RTL1: variants seen among roughly 807,000 people sequenced by gnomAD.
The protein encoded by RTL1 is retrotransposon Gag like 1.
For missense variants in RTL1, 1,681 were observed against 1,767.5 expected, an observed-to-expected ratio of 0.95 and a Z score of 0.88; for synonymous variants, 727 against 748.4, an observed-to-expected ratio of 0.97 and a Z score of 0.47.
rs781748333 is a variant in RTL1 at position 100,883,665 on chromosome 14, C to T, written c.1124G>A (p.Arg375His). The T allele has an allele frequency of 2.6e-6, 4 of 1,551,438 alleles. No homozygotes were observed. The highest frequency in any genetic ancestry group is 2.6e-6 in the Non-Finnish European group (3 of 1,146,980). The change falls in exon 4 of 4, where the codon CGC becomes CAC. Residue 375 changes from arginine to histidine, a missense_variant. By Grantham distance (29) the Arg-to-His change is conservative (BLOSUM62 0). Coordinates refer to ENST00000649591, the MANE Select transcript of RTL1 (RefSeq NM_001134888.3). The surrounding 1 kb of genome is among the most constrained non-coding windows in gnomAD (Gnocchi z 5.9). ...RAMLRLPPEA[R>H]PRNLTWIDSP... ...GTCGATCCAGGTCAGGTTCCGGGGGCGGGCCTCGGGGGGCAGCCTGAGCAT... is the reference window on the plus strand; with the variant it reads ...GTCGATCCAGGTCAGGTTCCGGGGGTGGGCCTCGGGGGGCAGCCTGAGCAT...
In RTL1 at chr14:100,883,031, A is replaced by G. The variant is rs755851012; in HGVS notation, c.1758T>C (p.Asp586=). The G allele has an allele frequency of 3.7e-6, 6 of 1,614,018 alleles. No homozygotes were observed. The African/African-American group carries it at 5.3e-5, about 14-fold the overall frequency. Residue 586 remains aspartate, a synonymous_variant, in exon 4 of 4, where the codon GAT becomes GAC. Coordinates refer to ENST00000649591, the MANE Select transcript of RTL1 (RefSeq NM_001134888.3). The surrounding 1 kb of genome is among the most constrained non-coding windows in gnomAD (Gnocchi z 5.9). The part of the protein sequence containing the change: ...SDQPSSDGSD[D]LSESEPSELQ... ...GCTCAGAGGGCTCTGATTCAGAAAG[A>G]TCATCGGATCCGTCTGAGCTTGGCT...
In RTL1 at chr14:100,883,682, C is replaced by T. The variant is rs2140037004; in HGVS notation, c.1107G>A (p.Arg369=). The T allele has an allele frequency of 6.4e-7, 1 of 1,551,608 alleles. No individual in the cohort carries two copies. Among genetic ancestry groups the T allele is most frequent in the East Asian group, 2.4e-5 (1 of 40,912 alleles). ...EKLAERRAML[R]LPPEARPRNL... is the part of the protein sequence containing the mutation. ...TCCGGGGGCGGGCCTCGGGGGGCAG[C>T]CTGAGCATAGCTCTTCTCTCTGCCA... The change falls in exon 4 of 4, where the codon AGG becomes AGA. Residue 369 remains arginine (R), a synonymous_variant. Transcript: ENST00000649591. This position sits in a 1 kb window ranked among gnomAD's most constrained non-coding sequence, Gnocchi z 5.9.
chr14:100,896,937 G>C (rs115418475), intron 2 of RTL1, among the ~76,000 whole-genome samples: 11 of 152,030 alleles, frequency 7.2e-5, no homozygotes, highest in Admixed American at 7.2e-4. Context: ...CATTCCACTC[G>C]GCTAATCTCC....
chr14:100,901,072 C>A (rs1409521296), intron 2 of RTL1, among the ~76,000 whole-genome samples: 1 of 152,226 alleles, frequency 6.6e-6, no homozygotes, highest in Non-Finnish European at 1.5e-5. Context: ...TGCCCCCCCA[C>A]GGCGGGTCGG....
intron 2 of RTL1, among the ~76,000 whole-genome samples, chr14:100,897,207 C>T (rs2038869947): frequency 1.3e-5 from 2 of 152,166 alleles, no homozygotes; most frequent in Admixed American, 1.3e-4. Flanking sequence ...TTGCTCTGGG[C>T]ATGTACCCAC....
intron 3 of RTL1, among the ~76,000 whole-genome samples, chr14:100,890,188 G>A (rs1194949735): frequency 6.6e-6 from 1 of 150,642 alleles, no homozygotes; most frequent in Non-Finnish European, 1.5e-5. Flanking sequence ...AGAGACAGAC[G>A]CCCCAGCCTC....
rs2038972581 is a variant in RTL1, at chr14:100,903,642, C to A, written c.-282G>T. On this transcript the variant is annotated 5_prime_UTR_variant, in exon 1 of 4. Coordinates refer to ENST00000649591, the MANE Select transcript of RTL1 (RefSeq NM_001134888.3). ...GGTGTGAGGCTGGGCCAGGATGGAA[C>A]CCCAGACTCTCCGAGGCTCCCCACC... 6.6e-6 allele frequency among the ~76,000 whole-genome samples: 1 copy of A among 152,180 alleles called. No individual in the cohort carries two copies. The highest frequency in any genetic ancestry group is 2.1e-4 in the South Asian group (1 of 4,826).
chr14:100,887,226 C>A (rs1180366251), intron 3 of RTL1, among the ~76,000 whole-genome samples: 1 of 152,118 alleles, frequency 6.6e-6, no homozygotes, highest in African/African-American at 2.4e-5. Context: ...TAATTCCAAA[C>A]CTCTTCGCAT....
intron 3 of RTL1, among the ~76,000 whole-genome samples, chr14:100,890,896 TTTG>T (rs1422408904): frequency 6.6e-6 from 1 of 151,568 alleles, no homozygotes; most frequent in Non-Finnish European, 1.5e-5. Context: ...CCTGGGAGGG[TTTG>T]TTATTATTTA....
chr14:100,884,875 C>T lies in RTL1; in HGVS notation c.-86-1G>A, dbSNP rs907784865. On this transcript the variant is annotated splice_acceptor_variant, in intron 3 of 3. Coordinates refer to ENST00000649591, the MANE Select transcript of RTL1 (RefSeq NM_001134888.3). LOFTEE classifies it low-confidence loss of function (5UTR_SPLICE). The stretch of plus-strand genomic sequence containing the variant: ...TAGCTGGGACCGTGGAGATCAGAAC[C>T]TGGTGGTGGAAGGGGAGTGTGGGGA... 8 of 1,292,458 alleles carry T rather than the reference C, an allele frequency of 6.2e-6. No homozygotes were observed. The highest frequency in any genetic ancestry group is 3.1e-5 in the South Asian group (2 of 65,218). The allele number at this position is 1,292,458 out of a possible 1,614,324, so 80.1% of individuals were successfully genotyped here. A position where few individuals can be genotyped will look rare whatever the true frequency, so the allele number is the denominator to read the frequency against.
chr14:100,899,862 T>A (rs994877657), intron 2 of RTL1, among the ~76,000 whole-genome samples: 1 of 152,154 alleles, frequency 6.6e-6, no homozygotes, highest in African/African-American at 2.4e-5. Context: ...CGTCATGAAA[T>A]GCTTAACCCC....
At chr14:100,900,612 C>T (rs2038928541) in intron 2 of RTL1, among the ~76,000 whole-genome samples, 1 of 152,100 alleles carries the variant, frequency 6.6e-6, no homozygotes, top group Non-Finnish European at 1.5e-5. Flanking sequence ...GGAGTGTTCC[C>T]TCCGTGTCCG....
intron 2 of RTL1, among the ~76,000 whole-genome samples, chr14:100,897,313 C>G (rs1417947189): frequency 2.0e-5 from 3 of 151,832 alleles, no homozygotes; most frequent in Non-Finnish European, 4.4e-5. Context: ...AATTAAATCC[C>G]CCCCACACAA....
intron 3 of RTL1, among the ~76,000 whole-genome samples, chr14:100,890,680 G>A (rs966947002): frequency 6.6e-6 from 1 of 152,104 alleles, no homozygotes; most frequent in Non-Finnish European, 1.5e-5. Flanking sequence ...TGCCAGGATG[G>A]GTGTCAGGTG....
intron 2 of RTL1, chr14:100,898,990 G>C (rs890133976): frequency 6.6e-6 from 1 of 152,304 alleles, no homozygotes; most frequent in African/African-American, 2.4e-5. Context: ...GCCTGGGTCT[G>C]ACTTTGCCTC....
At chr14:100,885,213 C>T (rs1459999195) in intron 3 of RTL1, among the ~76,000 whole-genome samples, 1 of 152,230 alleles carries the variant, frequency 6.6e-6, no homozygotes, top group Admixed American at 6.5e-5. Context: ...CAGGCTGCTC[C>T]ATTCCCCCCT....
rs572750083 is a variant in RTL1, at chr14:100,884,079, C to A, written c.710G>T (p.Arg237Ile). The A allele has an allele frequency of 2.6e-6, 4 of 1,551,746 alleles. 1 individual carries two copies. The South Asian group carries it at 4.8e-5, about 18-fold the overall frequency. ...CAGGTGATTGATGACATAGCCAACT[C>A]TCAGACGGTCGTTATAGAACATTCT... ...YPRMFYNDRL[R>I]VGYVINHLSG... is the part of the protein sequence containing the mutation. Residue 237 changes from arginine (R) to isoleucine (I), a missense_variant, in exon 4 of 4, where the codon AGA (arginine) becomes ATA (isoleucine). Arg to Ile is a moderately conservative substitution (Grantham distance 97). Transcript: ENST00000649591.
chr14:100,883,260 C>T lies in RTL1; in HGVS notation c.1529G>A (p.Arg510Gln), dbSNP rs1278735754. The T allele has an allele frequency of 3.9e-6, 6 of 1,551,060 alleles. No individual in the cohort carries two copies. The African/African-American group carries it at 4.1e-5, about 11-fold the overall frequency. ...FSVVLGIRWLRVHAPEVDWIK... is the reference protein window; with the variant it reads ...FSVVLGIRWLQVHAPEVDWIK... ...CCAGTCGACTTCGGGGGCGTGGACT[C>T]GGAGCCAGCGGATGCCTAGGACCAC... The change falls in exon 4 of 4, where the codon CGA becomes CAA. Residue 510 changes from arginine (R) to glutamine (Q), a missense_variant. Physicochemically the swap from Arg to Gln is conservative, Grantham distance 43 (BLOSUM62 1). Coordinates refer to ENST00000649591, the MANE Select transcript of RTL1 (RefSeq NM_001134888.3). This position sits in a 1 kb window ranked among gnomAD's most constrained non-coding sequence, Gnocchi z 5.9.
At position 100,881,786 on chromosome 14, in the gene RTL1, C is replaced by A. The variant is rs778861552; in HGVS notation, c.3003G>T (p.Trp1001Cys). ...CAGTGTTCCTCTGGAAGGCTCTCCT[C>A]CACCGGAGGTTTCTCACAGGTGGCA... is the stretch of plus-strand genomic sequence containing the variant. ...RALPPVRNLR[W>C]RRAFQRNTAA... The change falls in exon 4 of 4, where the codon TGG becomes TGT. Residue 1001 changes from tryptophan (W) to cysteine (C), a missense_variant. Trp to Cys is a radical substitution (Grantham distance 215). Transcript: ENST00000649591. The surrounding 1 kb of genome is among the most constrained non-coding windows in gnomAD (Gnocchi z 6.6). 6.2e-7 allele frequency: 1 copy of A among 1,613,914 alleles called. No individual in the cohort carries two copies. The highest frequency in any genetic ancestry group is 8.5e-7 in the Non-Finnish European group (1 of 1,179,930).
Sources: allele counts gnomAD v4.1 joint callset (sites outside exome capture counted in the v4.1 genomes callset), GRCh38; gene constraint gnomAD v4.1.1; non-coding constraint Gnocchi (gnomAD v3.1); transcripts MANE v1.5; gene names NCBI Gene and HGNC (gene_info 2026-07-23, HGNC 2026-07-21).